Variants in GAS6 observed in about 807,000 individuals in gnomAD.
The protein encoded by GAS6 is growth arrest specific 6, also known as growth arrest-specific protein 6.
In GAS6, 41 loss-of-function variants were observed where a neutral mutation model predicts 75.8. That is an observed-to-expected ratio of 0.54 (90% confidence interval 0.42 to 0.70). The LOEUF is 0.70. Ranked by LOEUF, GAS6 falls within the 30% of genes least tolerant of loss-of-function variation. GAS6 has a pLI of 0.00. For synonymous variants in GAS6, 432 were observed against 412.6 expected (o/e 1.05, Z -0.57); for missense variants, 854 against 940.2 (o/e 0.91, Z 1.20).
At chr13:113,831,748 C>A (rs967353741) in intron 10 of GAS6, among the ~76,000 whole-genome samples, 2 of 151,452 alleles carry the variant, frequency 1.3e-5, no homozygotes, top group South Asian at 4.2e-4. Context: ...GGGCAGGGGT[C>A]CCCGTCCCCC....
chr13:113,844,793 G>T lies in GAS6; in HGVS notation c.343+1734C>A, dbSNP rs1054158883. The T allele has an allele frequency of 4.0e-5, 6 of 150,440 alleles. No homozygotes were observed. The highest frequency in any genetic ancestry group is 1.5e-4 in the African/African-American group (6 of 39,868). The allele number at this position is 150,440 out of a possible 1,614,324, so 9.3% of individuals were successfully genotyped here. ...GAGGACGGCAGCAGGTGAGGCACTGGGGTGAGACAGACTCAAATGTGTGGT... is the reference window on the plus strand; with the variant it reads ...GAGGACGGCAGCAGGTGAGGCACTGTGGTGAGACAGACTCAAATGTGTGGT... On this transcript the variant is annotated intron_variant, in intron 4 of 14. Coordinates refer to ENST00000327773, the MANE Select transcript of GAS6 (RefSeq NM_000820.4). This position sits in a 1 kb window ranked among gnomAD's most constrained non-coding sequence, Gnocchi z 5.7.
In GAS6 at chr13:113,863,143, G is replaced by A. The variant is rs1439475593; in HGVS notation, c.255+432C>T. Among the ~76,000 whole-genome samples the A allele has an allele frequency of 6.6e-6, 1 of 152,198 alleles. No individual in the cohort carries two copies. Among genetic ancestry groups the A allele is most frequent in the Non-Finnish European group, 1.5e-5 (1 of 68,022 alleles). On this transcript the variant is annotated intron_variant, in intron 2 of 14. Transcript: ENST00000327773. The surrounding 1 kb of genome is among the most constrained non-coding windows in gnomAD (Gnocchi z 9.4). ...ATTTTTGGACCTGCTGCCGCAAGCA[G>A]TTCCCGCCCTCGGCCCTTTCAATTC...
rs41300076 is a variant in GAS6, at chr13:113,821,157, T to C, written c.1883-139A>G. ...GGGTTTCCCTTTCTTCTCTAACTTCTCGGTCCCCGTTCGTTTGGCCGCAGA... is the reference window on the plus strand; with the variant it reads ...GGGTTTCCCTTTCTTCTCTAACTTCCCGGTCCCCGTTCGTTTGGCCGCAGA... On this transcript the variant is annotated intron_variant, in intron 14 of 14. Coordinates refer to ENST00000327773, the MANE Select transcript of GAS6 (RefSeq NM_000820.4). 5,485 of 873,410 alleles carry C rather than the reference T, an allele frequency of 6.3e-3. 28 individuals carry two copies. Among genetic ancestry groups the C allele is most frequent in the Middle Eastern group, 8.8e-3 (25 of 2,842 alleles). The allele number at this position is 873,410 out of a possible 1,614,324, so 54.1% of individuals were successfully genotyped here. A position where few individuals can be genotyped will look rare whatever the true frequency, so the allele number is the denominator to read the frequency against.
chr13:113,835,377 C>T, intron 7 of GAS6, 136 bp downstream of exon 7: 1 of 1,048,932 alleles, frequency 9.5e-7, no homozygotes, highest in Non-Finnish European at 1.4e-6. Flanking sequence ...CATTACCAGG[C>T]TGATAGAAAC....
At chr13:113,841,984 ACG>A (rs2051787723) in intron 4 of GAS6, 1 of 117,284 alleles carries the variant, frequency 8.5e-6, no homozygotes, top group Non-Finnish European at 1.8e-5. Flanking sequence ...TTTTCTCTGT[ACG>A]CCCCACAGTT....
intron 8 of GAS6, 26 bp downstream of exon 8, chr13:113,834,525 G>C (rs757761837): frequency 6.6e-7 from 1 of 1,512,286 alleles, no homozygotes; most frequent in African/African-American, 1.4e-5. Context: ...CACCGTGAAG[G>C]GCCCGCGGGG....
rs146664338 is a variant in GAS6 at position 113,822,150 on chromosome 13, G to T, written c.1690C>A (p.Leu564Ile). Residue 564 changes from leucine (L) to isoleucine (I), a missense_variant, in exon 14 of 15, where the codon CTA (leucine) becomes ATA (isoleucine). Transcript: ENST00000327773. The part of the protein sequence containing the change: ...VLAVEHTALA[L>I]MEIKVCDGQE... Reference sequence around the variant, plus strand: ...CCGTCGCAGACCTTGATCTCCATTAGGGCCAAGGCCGTATGCTCCACGGCC... The same window carrying T: ...CCGTCGCAGACCTTGATCTCCATTATGGCCAAGGCCGTATGCTCCACGGCC... The T allele has an allele frequency of 4.9e-4, 780 of 1,590,948 alleles. No homozygotes were observed. The highest frequency in any genetic ancestry group is 6.0e-4 in the Non-Finnish European group (704 of 1,168,506).
chr13:113,853,862 A>G (rs2051894232), intron 2 of GAS6, among the ~76,000 whole-genome samples: 1 of 152,180 alleles, frequency 6.6e-6, no homozygotes, highest in Admixed American at 6.5e-5. Flanking sequence ...ATGTTCTTCT[A>G]GCTTGGGAAG....
intron 5 of GAS6, 88 bp downstream of exon 5, chr13:113,839,640 C>T (rs1043069430): frequency 1.3e-5 from 20 of 1,532,920 alleles, no homozygotes; most frequent in Non-Finnish European, 1.7e-5. Flanking sequence ...CTGAGGATGG[C>T]CGTGCCCCGG....
chr13:113,862,360 G>A lies in GAS6; in HGVS notation c.255+1215C>T, dbSNP rs968918045. Among the ~76,000 whole-genome samples, 7 of 152,208 alleles carry A rather than the reference G, an allele frequency of 4.6e-5. No individual in the cohort carries two copies. In the East Asian group the frequency reaches 1.3e-3, roughly 29 times the overall value. On this transcript the variant is annotated intron_variant, in intron 2 of 14. Coordinates refer to ENST00000327773, the MANE Select transcript of GAS6 (RefSeq NM_000820.4). ...AATGTTCCGGGTGAGGACGCTGTTGGAGGACACTGCACCAGCCACACGACC... is the reference window on the plus strand; with the variant it reads ...AATGTTCCGGGTGAGGACGCTGTTGAAGGACACTGCACCAGCCACACGACC...
intron 2 of GAS6, among the ~76,000 whole-genome samples, chr13:113,862,933 C>T (rs1177883574): frequency 4.6e-5 from 7 of 152,150 alleles, no homozygotes; most frequent in African/African-American, 1.7e-4. Flanking sequence ...CCTCACACGG[C>T]GGCTCCTGCG....
intron 4 of GAS6, chr13:113,840,125 A>G: frequency 2.2e-6 from 1 of 453,948 alleles, no homozygotes; most frequent in Non-Finnish European, 3.9e-6. Flanking sequence ...GGCTGAGGGC[A>G]AAGGAGCAGG....
At chr13:113,831,023 G>A (rs561039296) in intron 10 of GAS6, among the ~76,000 whole-genome samples, 1 of 152,386 alleles carries the variant, frequency 6.6e-6, no homozygotes, top group Non-Finnish European at 1.5e-5. Context: ...TGTTTCTGAA[G>A]GGCAAGACGT....
intron 12 of GAS6, among the ~76,000 whole-genome samples, chr13:113,825,238 A>AAG (rs1463395868): frequency 6.7e-6 from 1 of 149,298 alleles, no homozygotes; most frequent in African/African-American, 2.5e-5. Context: ...CCGTCTCAAA[A>AAG]AAAAAAAAAA....
chr13:113,828,331 C>G (rs539084513), intron 11 of GAS6, among the ~76,000 whole-genome samples: 27 of 152,260 alleles, frequency 1.8e-4, no homozygotes, highest in African/African-American at 6.0e-4. Flanking sequence ...ATTATCAATT[C>G]AGATGAAAAC....
chr13:113,849,402 G>A (rs1262828276), intron 2 of GAS6, among the ~76,000 whole-genome samples: 8 of 152,204 alleles, frequency 5.3e-5, no homozygotes, highest in African/African-American at 1.9e-4. Flanking sequence ...CCCTGGTGGA[G>A]TCCTGGAGCA....
intron 2 of GAS6, among the ~76,000 whole-genome samples, chr13:113,857,852 G>A (rs1165134347): frequency 6.6e-6 from 1 of 152,258 alleles, no homozygotes; most frequent in East Asian, 1.9e-4. Flanking sequence ...CTCTGAGAAA[G>A]CCCCGGAGGA....
chr13:113,845,982 G>C lies in GAS6; in HGVS notation c.343+545C>G, dbSNP rs1305495932. ...CGTGTGGGAGGCAACAGGTGCATGA[G>C]GATGTCACGCCAGTTTTGTTTAAAT... On this transcript the variant is annotated intron_variant, in intron 4 of 14. Coordinates refer to ENST00000327773, the MANE Select transcript of GAS6 (RefSeq NM_000820.4). This position sits in a 1 kb window ranked among gnomAD's most constrained non-coding sequence, Gnocchi z 4.3. Among the ~76,000 whole-genome samples the C allele has an allele frequency of 6.6e-6, 1 of 152,220 alleles. No individual in the cohort carries two copies. The highest frequency in any genetic ancestry group is 1.9e-4 in the East Asian group (1 of 5,202).
At chr13:113,839,643 T>A (rs1457238186) in intron 5 of GAS6, 85 bp downstream of exon 5, 1 of 1,539,064 alleles carries the variant, frequency 6.5e-7, no homozygotes, top group Admixed American at 1.8e-5. Flanking sequence ...AGGATGGCCG[T>A]GCCCCGGAGT....
Sources: gnomAD v4.1 joint callset for allele counts (sites outside exome capture counted in the v4.1 genomes callset) on GRCh38, gnomAD v4.1.1 for gene constraint, Gnocchi (gnomAD v3.1) non-coding constraint, MANE v1.5 for transcripts, NCBI Gene and HGNC (gene_info 2026-07-23, HGNC 2026-07-21) for gene names.